Variants in MBTD1 observed in about 807,000 individuals in gnomAD.
MBTD1 encodes the protein MBT domain-containing protein 1.
A neutral mutation model predicts 87.8 loss-of-function variants in MBTD1; 24 were observed. The observed-to-expected ratio is 0.27, with a 90% CI of 0.20 to 0.38. The LOEUF (loss-of-function observed/expected upper bound fraction) is 0.38, where lower values mean the gene tolerates loss of function less well. Among genes scored for constraint, MBTD1 ranks in the 10% least tolerant of loss-of-function variants. The pLI is 1.00. For missense variants in MBTD1, 436 were observed against 760.2 expected (o/e 0.57, Z 5.02); for synonymous variants, 237 against 248.6 (o/e 0.95, Z 0.44).
At chr17:51,239,413 ACAAC>A (rs1321015023) in intron 2 of MBTD1, among the ~76,000 whole-genome samples, 2 of 152,200 alleles carry the variant, frequency 1.3e-5, no homozygotes, top group Non-Finnish European at 2.9e-5. Flanking sequence ...TTTATAAGTT[ACAAC>A]AATACAAAGA....
intron 2 of MBTD1, chr17:51,256,978 T>G (rs1319600376): frequency 6.6e-6 from 1 of 152,218 alleles, no homozygotes; most frequent in Non-Finnish European, 1.5e-5. Context: ...CAAATGGGAA[T>G]TATTTCCTTT....
chr17:51,247,053 G>T (rs2054479976), intron 2 of MBTD1, among the ~76,000 whole-genome samples: 2 of 152,130 alleles, frequency 1.3e-5, no homozygotes, highest in Admixed American at 1.3e-4. Flanking sequence ...ATAAGATTCT[G>T]GCTTTAGGGT....
At chr17:51,242,518 T>A (rs1414142193) in intron 2 of MBTD1, among the ~76,000 whole-genome samples, 1 of 152,244 alleles carries the variant, frequency 6.6e-6, no homozygotes, top group Non-Finnish European at 1.5e-5. Context: ...TTGGATTATT[T>A]ATTTCAATGT....
At chr17:51,203,715 C>G in intron 8 of MBTD1, 76 bp downstream of exon 8, 1 of 1,480,400 alleles carries the variant, frequency 6.8e-7, no homozygotes, top group South Asian at 1.2e-5. Flanking sequence ...CCATATTACT[C>G]TAACATTACT....
At chr17:51,190,008 T>C (rs957612349) in intron 16 of MBTD1, among the ~76,000 whole-genome samples, 2 of 152,210 alleles carry the variant, frequency 1.3e-5, no homozygotes, top group Admixed American at 1.3e-4. Context: ...GGTTGCTACT[T>C]GTGTGTGGCT....
chr17:51,209,777 A>G (rs1325071044), intron 6 of MBTD1, among the ~76,000 whole-genome samples: 3 of 152,232 alleles, frequency 2.0e-5, no homozygotes, highest in African/African-American at 4.8e-5. Context: ...AAGAAGGAAT[A>G]ATTTATCCCA....
chr17:51,197,943 A>AT (rs1389508203), intron 12 of MBTD1, among the ~76,000 whole-genome samples: 1 of 152,040 alleles, frequency 6.6e-6, no homozygotes, highest in African/African-American at 2.4e-5. Context: ...CAAGTTTCTG[A>AT]TTTTAGCTCT....
chr17:51,179,484 T>TATATATATA lies in MBTD1; in HGVS notation c.*1091_*1092insTATATATAT, dbSNP rs60957699. On this transcript the variant is annotated 3_prime_UTR_variant, in exon 17 of 17. Transcript: ENST00000586178. ...ATCCTGAATACAATTAAAGACAATTTTATATATATATATATATATATATAT... is the reference window on the plus strand; with the variant it reads ...ATCCTGAATACAATTAAAGACAATTTATATATATATATATATATATATATATATATATAT... The TATATATATA allele has an allele frequency of 3.4e-4, 12 of 35,306 alleles. No individual in the cohort carries two copies. Among genetic ancestry groups the TATATATATA allele is most frequent in the African/African-American group, 5.0e-4 (6 of 11,912 alleles). The allele number at this position is 35,306 out of a possible 1,614,324, so 2.2% of individuals were successfully genotyped here.
chr17:51,220,266 G>A, intron 4 of MBTD1, 64 bp downstream of exon 4: 1 of 1,453,042 alleles, frequency 6.9e-7, no homozygotes, highest in Non-Finnish European at 9.3e-7. Flanking sequence ...ACAGTCAAAT[G>A]ACAGATAAAT....
intron 12 of MBTD1, 85 bp from the exon 13 acceptor site, chr17:51,195,446 A>T: frequency 2.7e-6 from 3 of 1,109,834 alleles, no homozygotes; most frequent in Non-Finnish European, 3.8e-6. Flanking sequence ...AAGAAAGGAA[A>T]ATCTATTATA....
Position 51,245,832 on chromosome 17 carries a change from GTTTA to G in MBTD1, c.-49+13307_-49+13310del, listed in dbSNP as rs140478852. On this transcript the variant is annotated intron_variant, in intron 2 of 16. Transcript: ENST00000586178. ...TTTTAATGTTTTTACATTCTTGCAT[GTTTA>G]TTTTTCCAAGTGCACTTCAAGTATT... Among the ~76,000 whole-genome samples the G allele has an allele frequency of 2.2e-3, 339 of 152,176 alleles. 2 individuals are homozygous for G. The highest frequency in any genetic ancestry group is 7.6e-3 in the African/African-American group (317 of 41,528).
intron 7 of MBTD1, 118 bp downstream of exon 7, chr17:51,206,770 C>T: frequency 1.5e-6 from 1 of 669,894 alleles, no homozygotes; most frequent in Non-Finnish European, 2.6e-6. Context: ...AACCCCTGCC[C>T]TATATCATAA....
At position 51,217,396 on chromosome 17, in the gene MBTD1, T is replaced by C; in HGVS notation, c.424A>G (p.Ser142Gly). 6.5e-7 allele frequency: 1 copy of C among 1,532,156 alleles called. No homozygotes were observed. The highest frequency in any genetic ancestry group is 8.8e-7 in the Non-Finnish European group (1 of 1,136,834). The allele number at this position is 1,532,156 out of a possible 1,614,324, so 94.9% of individuals were successfully genotyped here. A position where few individuals can be genotyped will look rare whatever the true frequency, so the allele number is the denominator to read the frequency against. ...TTGCTATTGATGTAGTTACCCCAGC[T>C]GAAACCTTCCATGGAGACTGCTAAA... ...TKAAVSMEGF[S>G]WGNYINSNSF... The change falls in exon 6 of 17, where the codon AGC becomes GGC. Residue 142 changes from serine to glycine, a missense_variant. Transcript: ENST00000586178.
intron 2 of MBTD1, among the ~76,000 whole-genome samples, chr17:51,242,586 C>T (rs1399753348): frequency 6.6e-6 from 1 of 152,106 alleles, no homozygotes; most frequent in Non-Finnish European, 1.5e-5. Flanking sequence ...TAGTCTCCTC[C>T]ATCATCCTTA....
intron 2 of MBTD1, among the ~76,000 whole-genome samples, chr17:51,240,892 T>G (rs565021913): frequency 6.6e-6 from 1 of 152,202 alleles, no homozygotes; most frequent in African/African-American, 2.4e-5. Flanking sequence ...AGGATTATAC[T>G]TAGGTTGCAC....
intron 15 of MBTD1, 60 bp from the exon 16 acceptor site, chr17:51,192,340 T>C (rs2050853808): frequency 5.1e-6 from 6 of 1,174,664 alleles, no homozygotes; most frequent in East Asian, 5.1e-5. Flanking sequence ...GACGATACAG[T>C]TGTCTAGATA....
chr17:51,217,222 C>T, intron 6 of MBTD1, 112 bp downstream of exon 6: 1 of 591,208 alleles, frequency 1.7e-6, no homozygotes, highest in Non-Finnish European at 2.9e-6. Context: ...ATTTCAGTTA[C>T]AAGACATAAA....
At chr17:51,215,389 T>C (rs1302818355) in intron 6 of MBTD1, among the ~76,000 whole-genome samples, 2 of 152,318 alleles carry the variant, frequency 1.3e-5, no homozygotes, top group East Asian at 3.9e-4. Flanking sequence ...GTTATGCTTC[T>C]GGGGTTGAAA....
intron 16 of MBTD1, among the ~76,000 whole-genome samples, chr17:51,186,791 A>C (rs775891173): frequency 8.6e-5 from 13 of 151,932 alleles, no homozygotes; most frequent in Non-Finnish European, 1.3e-4. Context: ...AAAAACCAAA[A>C]CAAAACAAAA....
Sources: allele counts gnomAD v4.1 joint callset (sites outside exome capture counted in the v4.1 genomes callset), GRCh38; gene constraint gnomAD v4.1.1; transcripts MANE v1.5; gene names NCBI Gene and HGNC (gene_info 2026-07-23, HGNC 2026-07-21).